PRKN: variants seen among roughly 807,000 people sequenced by gnomAD.
The protein encoded by PRKN is parkin RBR E3 ubiquitin protein ligase, also known as E3 ubiquitin-protein ligase parkin.
PRKN carries 56 observed loss-of-function variants against 59.5 expected under a neutral mutation model. That is an observed-to-expected ratio of 0.94 (90% CI 0.76 to 1.18). PRKN has a LOEUF of 1.18. Among genes scored for constraint, PRKN ranks in the 50% most tolerant of loss-of-function variants. The pLI is 0.00. For missense variants in PRKN, 657 were observed against 596.4 expected, an observed-to-expected ratio of 1.10 and a Z score of -1.06; for synonymous variants, 250 against 222.1, an observed-to-expected ratio of 1.13 and a Z score of -1.12.
intron 6 of PRKN, among the ~76,000 whole-genome samples, chr6:161,883,810 G>A (rs191297958): frequency 6.6e-6 from 1 of 151,894 alleles, no homozygotes; most frequent in African/African-American, 2.4e-5. Context: ...GCGCCACCAC[G>A]CCCAGCCAAT....
At chr6:161,426,599 G>A (rs1197357348) in intron 9 of PRKN, among the ~76,000 whole-genome samples, 1 of 149,672 alleles carries the variant, frequency 6.7e-6, no homozygotes, top group African/African-American at 2.5e-5. Flanking sequence ...CCTATTGTGG[G>A]ACCTTGTGAT....
Position 161,413,807 on chromosome 6 carries a change from C to T in PRKN, c.1084-26930G>A, listed in dbSNP as rs1037822530. 6.6e-6 allele frequency among the ~76,000 whole-genome samples: 1 copy of T among 152,140 alleles called. No homozygotes were observed. The highest frequency in any genetic ancestry group is 1.5e-5 in the Non-Finnish European group (1 of 68,028). ...CTCTGAGGAAGCTCATTCAAAAATG[C>T]AATTTTTAATTAAAAGGGAAACTTC... On this transcript the variant is annotated intron_variant, in intron 9 of 11. Transcript: ENST00000366898. The surrounding 1 kb of genome is among the most constrained non-coding windows in gnomAD (Gnocchi z 4.4).
At chr6:162,158,224 T>C (rs1421969227) in intron 4 of PRKN, among the ~76,000 whole-genome samples, 2 of 152,058 alleles carry the variant, frequency 1.3e-5, no homozygotes, top group East Asian at 1.9e-4. Context: ...TTCTAAATAA[T>C]AAATTCAGTT....
At position 161,355,527 on chromosome 6, in the gene PRKN, G is replaced by A. The variant is rs889210245; in HGVS notation, c.1285+4561C>T. On this transcript the variant is annotated intron_variant, in intron 11 of 11. Coordinates refer to ENST00000366898, the MANE Select transcript of PRKN (RefSeq NM_004562.3). The surrounding 1 kb of genome is among the most constrained non-coding windows in gnomAD (Gnocchi z 6.8). ...ACCAATTCTTGTGTCTCGGCCTCCC[G>A]AGTAGCTGGGATCACAGGTGCCTGC... Among the ~76,000 whole-genome samples, 3 of 151,792 alleles carry A rather than the reference G, an allele frequency of 2.0e-5. No individual in the cohort carries two copies. The highest frequency in any genetic ancestry group is 7.3e-5 in the African/African-American group (3 of 41,322).
intron 7 of PRKN, among the ~76,000 whole-genome samples, chr6:161,619,606 G>A (rs544188303): frequency 4.5e-4 from 68 of 152,240 alleles, no homozygotes; most frequent in Middle Eastern, 3.4e-3. Flanking sequence ...TCCTAAATGA[G>A]AGAACTGAGG....
chr6:162,681,921 T>C (rs1049001099), intron 1 of PRKN, among the ~76,000 whole-genome samples: 3 of 152,140 alleles, frequency 2.0e-5, no homozygotes, highest in Non-Finnish European at 4.4e-5. Context: ...CTTTCCTTTC[T>C]TTGTTTGTGC....
chr6:161,411,416 C>T (rs1787535908), intron 9 of PRKN, among the ~76,000 whole-genome samples: 1 of 152,210 alleles, frequency 6.6e-6, no homozygotes, highest in South Asian at 2.1e-4. Context: ...GATTGTGAGG[C>T]CTCCCCAGCC....
rs148894653 is a variant in PRKN at position 161,521,438 on chromosome 6, G to A, written c.1083+27416C>T. On this transcript the variant is annotated intron_variant, in intron 9 of 11. Coordinates refer to ENST00000366898, the MANE Select transcript of PRKN (RefSeq NM_004562.3). ...TATGCAGAAACTCAACTGCACAGAAGAGTGCATTAAAGATACAGTGGTTGC... is the reference window on the plus strand; with the variant it reads ...TATGCAGAAACTCAACTGCACAGAAAAGTGCATTAAAGATACAGTGGTTGC... Among the ~76,000 whole-genome samples, 142 of 152,280 alleles carry A rather than the reference G, an allele frequency of 9.3e-4. No individual in the cohort carries two copies. The South Asian group carries it at 0.012, about 13-fold the overall frequency.
chr6:162,066,779 G>T (rs1164067332), intron 4 of PRKN, among the ~76,000 whole-genome samples: 1 of 152,138 alleles, frequency 6.6e-6, no homozygotes, highest in Non-Finnish European at 1.5e-5. Context: ...AGCACAAAAA[G>T]AACTAAGACA....
At chr6:161,645,767 T>A (rs557486962) in intron 7 of PRKN, among the ~76,000 whole-genome samples, 2 of 152,386 alleles carry the variant, frequency 1.3e-5, no homozygotes, top group African/African-American at 4.8e-5. Flanking sequence ...AAGAGCAGAA[T>A]AATGGCACTG....
chr6:162,006,117 T>C (rs1400141619), intron 5 of PRKN, among the ~76,000 whole-genome samples: 4 of 152,160 alleles, frequency 2.6e-5, no homozygotes, highest in Non-Finnish European at 5.9e-5. Context: ...AAGTTATATA[T>C]GTGTGTGATT....
At chr6:162,281,310 A>G (rs1205947612) in intron 2 of PRKN, among the ~76,000 whole-genome samples, 3 of 152,112 alleles carry the variant, frequency 2.0e-5, no homozygotes, top group Non-Finnish European at 4.4e-5. Context: ...AGAAATACCT[A>G]ATGTAAATGA....
chr6:162,019,106 T>C (rs1783035615), intron 5 of PRKN, among the ~76,000 whole-genome samples: 2 of 152,216 alleles, frequency 1.3e-5, no homozygotes, highest in African/African-American at 2.4e-5. Flanking sequence ...ATTTTCTTTC[T>C]ACTATCAGAA....
chr6:161,795,379 C>G (rs1402713614), intron 6 of PRKN, among the ~76,000 whole-genome samples: 2 of 151,824 alleles, frequency 1.3e-5, no homozygotes, highest in Non-Finnish European at 2.9e-5. Flanking sequence ...ACTACAGTCA[C>G]CTGCCACCAT....
chr6:161,721,734 G>C (rs2128185491), intron 7 of PRKN, among the ~76,000 whole-genome samples: 1 of 152,196 alleles, frequency 6.6e-6, no homozygotes, highest in East Asian at 1.9e-4. Context: ...GCTGCCTTCA[G>C]AGGGCTGCTG....
intron 1 of PRKN, among the ~76,000 whole-genome samples, chr6:162,724,835 G>T (rs35537826): frequency 6.6e-6 from 1 of 152,218 alleles, no homozygotes; most frequent in South Asian, 2.1e-4. Context: ...TATCTAAGTA[G>T]TACAACGAAG....
intron 1 of PRKN, among the ~76,000 whole-genome samples, chr6:162,683,652 TA>T (rs1394126351): frequency 2.0e-5 from 3 of 152,090 alleles, no homozygotes; most frequent in Non-Finnish European, 4.4e-5. Context: ...TTTATGAATG[TA>T]AAAAAACTAT....
At chr6:162,459,988 A>C (rs541554655) in intron 1 of PRKN, among the ~76,000 whole-genome samples, 1 of 152,340 alleles carries the variant, frequency 6.6e-6, no homozygotes, top group African/African-American at 2.4e-5. Context: ...TAGAGTTATC[A>C]TATGATCCTG....
At chr6:162,108,440 C>T (rs945997861) in intron 4 of PRKN, among the ~76,000 whole-genome samples, 2 of 152,148 alleles carry the variant, frequency 1.3e-5, no homozygotes, top group African/African-American at 4.8e-5. Flanking sequence ...TTTTCAGAAA[C>T]CCTTTCCTTA....
Sources: allele counts gnomAD v4.1 joint callset (sites outside exome capture counted in the v4.1 genomes callset), GRCh38; gene constraint gnomAD v4.1.1; non-coding constraint Gnocchi (gnomAD v3.1); transcripts MANE v1.5; gene names NCBI Gene and HGNC (gene_info 2026-07-23, HGNC 2026-07-21).